The following UGCG variants were observed in gnomAD, a reference collection of about 807,000 sequenced individuals.
UGCG encodes the protein UDP-glucose ceramide glucosyltransferase.
In UGCG, 10 loss-of-function variants were observed where a neutral mutation model predicts 49.5. The observed-to-expected ratio is 0.20, with a 90% CI of 0.12 to 0.34. The LOEUF is 0.34. Ranked by LOEUF, UGCG falls within the 10% of genes least tolerant of loss-of-function variation. The pLI is 1.00. For synonymous variants in UGCG, 182 were observed against 158.2 expected, an observed-to-expected ratio of 1.15 and a Z score of -1.13; for missense variants, 312 against 483.7, an observed-to-expected ratio of 0.65 and a Z score of 3.33.
chr9:111,919,931 T>C (rs1489807790), intron 2 of UGCG, among the ~76,000 whole-genome samples: 1 of 152,224 alleles, frequency 6.6e-6, no homozygotes, highest in East Asian at 1.9e-4. Context: ...TTAACCTCTC[T>C]AATCATTATT....
intron 1 of UGCG, 28 bp downstream of exon 1, chr9:111,897,341 G>T (rs776928253): frequency 2.0e-6 from 3 of 1,529,576 alleles, no homozygotes; most frequent in Non-Finnish European, 2.6e-6. Context: ...GGAGGGGCTC[G>T]GGGCAGGGGT....
rs1589513632 is a variant in UGCG, at chr9:111,897,094, T to G, written c.-122T>G. On this transcript the variant is annotated 5_prime_UTR_variant, in exon 1 of 9. Coordinates refer to ENST00000374279, the MANE Select transcript of UGCG (RefSeq NM_003358.3). ...GTCCCCACCCCCCTCCGCCCTTTCC[T>G]CTCCCCACCTTCCTCTCGCCTCCCG... The G allele has an allele frequency of 3.2e-6, 1 of 308,148 alleles. No homozygotes were observed. The highest frequency in any genetic ancestry group is 1.2e-3 in the Middle Eastern group (1 of 838). 19.1% of individuals were successfully genotyped at this position (308,148 alleles called of 1,614,324 possible).
Position 111,932,313 on chromosome 9 carries a change from G to C in UGCG, c.968G>C (p.Cys323Ser), listed in dbSNP as rs1392233224. ...ATTATGGTATTTTTCATGTGTCATT[G>C]CCTGGCATGGTTTATATTTGACTAC... ...WDIMVFFMCH[C>S]LAWFIFDYIQ... Residue 323 changes from cysteine to serine, a missense_variant, in exon 8 of 9, where the codon TGC becomes TCC. Coordinates refer to ENST00000374279, the MANE Select transcript of UGCG (RefSeq NM_003358.3). 1 of 1,613,992 alleles carries C rather than the reference G, an allele frequency of 6.2e-7. No homozygotes were observed. Among genetic ancestry groups the C allele is most frequent in the Non-Finnish European group, 8.5e-7 (1 of 1,180,038 alleles).
rs1838498317 is a variant in UGCG, at chr9:111,935,133, T to C, written c.*2136T>C. The C allele has an allele frequency of 6.6e-6, 1 of 152,210 alleles. No individual in the cohort carries two copies. The highest frequency in any genetic ancestry group is 2.4e-5 in the African/African-American group (1 of 41,454). 9.4% of individuals were successfully genotyped at this position (152,210 alleles called of 1,614,324 possible). ...TTGTTCAGTGTGCTAGTGGAGTATT[T>C]CCTTAATGTAAAACTTCACTTAACA... On this transcript the variant is annotated 3_prime_UTR_variant, in exon 9 of 9. Coordinates refer to ENST00000374279, the MANE Select transcript of UGCG (RefSeq NM_003358.3).
chr9:111,901,333 T>C (rs931735079), intron 1 of UGCG, among the ~76,000 whole-genome samples: 1 of 152,224 alleles, frequency 6.6e-6, no homozygotes, highest in Non-Finnish European at 1.5e-5. Context: ...CTTAGTGGAA[T>C]GTAAATTGAG....
intron 2 of UGCG, among the ~76,000 whole-genome samples, chr9:111,918,295 G>A (rs939238461): frequency 3.3e-5 from 5 of 152,242 alleles, no homozygotes; most frequent in Non-Finnish European, 7.4e-5. Flanking sequence ...CCCTGCCTCC[G>A]CCTCTTAAAG....
At chr9:111,915,946 C>G (rs1270301153) in intron 2 of UGCG, 4 of 391,784 alleles carry the variant, frequency 1.0e-5, no homozygotes, top group Non-Finnish European at 1.4e-5. Context: ...TGTTTTGAAG[C>G]AAAAAAATTA....
At position 111,909,009 on chromosome 9, in the gene UGCG, C is replaced by T. The variant is rs151269122; in HGVS notation, c.99-5596C>T. Among the ~76,000 whole-genome samples the T allele has an allele frequency of 2.7e-3, 404 of 152,286 alleles. 2 individuals are homozygous for T. The highest frequency in any genetic ancestry group is 9.3e-3 in the African/African-American group (387 of 41,568). Reference sequence around the variant, plus strand: ...TCTCGGCTCACTGCAACCTCTGCCTCCCAGGTTCAAGTCATTCTTGTGTCT... The same window carrying T: ...TCTCGGCTCACTGCAACCTCTGCCTTCCAGGTTCAAGTCATTCTTGTGTCT... On this transcript the variant is annotated intron_variant, in intron 1 of 8. Coordinates refer to ENST00000374279, the MANE Select transcript of UGCG (RefSeq NM_003358.3).
Position 111,914,635 on chromosome 9 carries a change from C to A in UGCG, c.129C>A (p.Asp43Glu). The A allele has an allele frequency of 6.2e-7, 1 of 1,614,012 alleles. No individual in the cohort carries two copies. Among genetic ancestry groups the A allele is most frequent in the Non-Finnish European group, 8.5e-7 (1 of 1,179,944 alleles). ...TACACCTCAACAAGAAGGCAACTGA[C>A]AAACAGCCTTATAGCAAGCTCCCAG... ...TRLHLNKKAT[D>E]KQPYSKLPGV... The change falls in exon 2 of 9, where the codon GAC (aspartate) becomes GAA (glutamate). Residue 43 changes from aspartate to glutamate, a missense_variant. By Grantham distance (45) the Asp-to-Glu change is conservative. Around this residue, in one of 4 missense-constraint regions of UGCG, gnomAD observed 65 missense variants for 74.7 expected, o/e 0.87. Coordinates refer to ENST00000374279, the MANE Select transcript of UGCG (RefSeq NM_003358.3).
intron 1 of UGCG, among the ~76,000 whole-genome samples, chr9:111,913,234 G>T (rs1014800671): frequency 6.6e-6 from 1 of 152,228 alleles, no homozygotes; most frequent in Non-Finnish European, 1.5e-5. Context: ...AGAATATCTT[G>T]CAGATGGACC....
At chr9:111,905,978 C>T (rs2131717044) in intron 1 of UGCG, among the ~76,000 whole-genome samples, 1 of 152,266 alleles carries the variant, frequency 6.6e-6, no homozygotes, top group South Asian at 2.1e-4. Flanking sequence ...TGTATTATTG[C>T]TTTGCTGGGC....
Position 111,932,952 on chromosome 9 carries a change from CAG to C in UGCG, c.1142_1143del (p.Arg381IlefsTer19). On this transcript the variant is annotated frameshift_variant, in exon 9 of 9. Coordinates refer to ENST00000374279, the MANE Select transcript of UGCG (RefSeq NM_003358.3). LOFTEE classifies it high-confidence loss of function. ...PTISWRTGRY[R>X]LRCGGTAEEI... is the part of the protein sequence containing the mutation. ...CTATAAGCTGGAGAACTGGTCGCTA[CAG>C]ATTACGCTGTGGGGGTACAGCAGAG... 1 of 1,611,000 alleles carries C rather than the reference CAG, an allele frequency of 6.2e-7. No individual in the cohort carries two copies. The highest frequency in any genetic ancestry group is 8.5e-7 in the Non-Finnish European group (1 of 1,178,434).
Position 111,934,825 on chromosome 9 carries a change from A to G in UGCG, c.*1828A>G, listed in dbSNP as rs990053794. 3 of 150,676 alleles carry G rather than the reference A, an allele frequency of 2.0e-5. No homozygotes were observed. In the South Asian group the frequency reaches 6.3e-4, roughly 31 times the overall value. 9.3% of individuals were successfully genotyped at this position (150,676 alleles called of 1,614,324 possible). ...TCCTTTCTTTCTGTGAATGGGTATT[A>G]TTCCCTGAGGAAAGTTGCACAGTGA... On this transcript the variant is annotated 3_prime_UTR_variant, in exon 9 of 9. Transcript: ENST00000374279.
chr9:111,931,502 G>A (rs780720551), intron 7 of UGCG, 145 bp downstream of exon 7: 3 of 664,756 alleles, frequency 4.5e-6, no homozygotes, highest in Non-Finnish European at 7.4e-6. Flanking sequence ...TTTAACGTCT[G>A]TGTTTAAGAT....
At chr9:111,901,069 G>A (rs1837761761) in intron 1 of UGCG, among the ~76,000 whole-genome samples, 1 of 152,060 alleles carries the variant, frequency 6.6e-6, no homozygotes, top group Admixed American at 6.6e-5. Flanking sequence ...CCCCACCTTG[G>A]CCTCCTGAAG....
At chr9:111,929,098 A>G (rs527531793) in intron 5 of UGCG, among the ~76,000 whole-genome samples, 7 of 141,124 alleles carry the variant, frequency 5.0e-5, no homozygotes, top group African/African-American at 1.8e-4. Context: ...TGATATACCT[A>G]TGGGTGGTGT....
chr9:111,906,604 A>G (rs1018652640), intron 1 of UGCG, among the ~76,000 whole-genome samples: 1 of 151,470 alleles, frequency 6.6e-6, no homozygotes, highest in Non-Finnish European at 1.5e-5. Context: ...TAATTTTTGT[A>G]TTTTTAGTAG....
In UGCG at chr9:111,897,220, C is replaced by T. The variant is rs141889497; in HGVS notation, c.5C>T (p.Ala2Val). 166 of 1,546,418 alleles carry T rather than the reference C, an allele frequency of 1.1e-4. No homozygotes were observed. Among genetic ancestry groups the T allele is most frequent in the Non-Finnish European group, 1.4e-4 (160 of 1,146,996 alleles). The change falls in exon 1 of 9, where the codon GCG becomes GTG. Residue 2 changes from alanine to valine, a missense_variant. Around this residue, in one of 4 missense-constraint regions of UGCG, gnomAD observed 65 missense variants for 74.7 expected, o/e 0.87. Transcript: ENST00000374279. ...GCCGGTCCGGCGGGCCGGGGGATGGCGCTGCTGGACCTGGCCTTGGAGGGA... is the reference window on the plus strand; with the variant it reads ...GCCGGTCCGGCGGGCCGGGGGATGGTGCTGCTGGACCTGGCCTTGGAGGGA... M[A>V]LLDLALEGMA...
intron 1 of UGCG, among the ~76,000 whole-genome samples, chr9:111,903,930 T>C (rs1208481819): frequency 6.6e-6 from 1 of 152,152 alleles, no homozygotes; most frequent in Non-Finnish European, 1.5e-5. Flanking sequence ...CAAGTTTGAC[T>C]GCACTATGGA....
Sources: gnomAD v4.1 joint callset for allele counts (sites outside exome capture counted in the v4.1 genomes callset) on GRCh38, gnomAD v4.1.1 for gene constraint, gnomAD v4.1.1 regional missense constraint, MANE v1.5 for transcripts, NCBI Gene and HGNC (gene_info 2026-07-23, HGNC 2026-07-21) for gene names.